The following VPS13A variants were observed in gnomAD, a reference collection of about 807,000 sequenced individuals.
VPS13A encodes vacuolar protein sorting 13 homolog A.
In VPS13A, 264 loss-of-function variants were observed where a neutral mutation model predicts 390.9. That is an observed-to-expected ratio of 0.68 (90% CI 0.61 to 0.75). VPS13A has a LOEUF of 0.75. VPS13A is among the 30% of genes least tolerant of loss of function. VPS13A has a pLI of 0.00. For missense variants in VPS13A, 3,409 were observed against 3,733.9 expected (o/e 0.91, Z 2.27); for synonymous variants, 1,231 against 1,227.1 (o/e 1.00, Z -0.07).
intron 59 of VPS13A, among the ~76,000 whole-genome samples, chr9:77,361,245 C>T (rs1157102663): frequency 6.6e-6 from 1 of 152,068 alleles, no homozygotes; most frequent in Non-Finnish European, 1.5e-5. Context: ...TTTTCATCAT[C>T]CCCAAAAGGA....
At chr9:77,405,253 C>T (rs932275193) in intron 69 of VPS13A, among the ~76,000 whole-genome samples, 10 of 152,074 alleles carry the variant, frequency 6.6e-5, no homozygotes, top group Non-Finnish European at 1.2e-4. Context: ...CATCCTGAGG[C>T]CCTCAGCATG....
At chr9:77,334,522 G>A (rs1830440962) in intron 46 of VPS13A, among the ~76,000 whole-genome samples, 1 of 152,000 alleles carries the variant, frequency 6.6e-6, no homozygotes, top group African/African-American at 2.4e-5. Flanking sequence ...ATTGTCACTT[G>A]GCAAATACCT....
chr9:77,179,283 A>C (rs1823854763), intron 1 of VPS13A, among the ~76,000 whole-genome samples: 1 of 152,210 alleles, frequency 6.6e-6, no homozygotes, highest in Non-Finnish European at 1.5e-5. Context: ...CTGTCTTGAC[A>C]AATGCTAAGA....
intron 31 of VPS13A, among the ~76,000 whole-genome samples, chr9:77,289,171 C>T (rs553443287): frequency 3.3e-5 from 5 of 152,198 alleles, no homozygotes; most frequent in East Asian, 3.9e-4. Context: ...TGTTTAAGCT[C>T]GCCTCAGCCT....
intron 13 of VPS13A, among the ~76,000 whole-genome samples, chr9:77,225,149 C>T (rs1230071663): frequency 6.6e-6 from 1 of 152,202 alleles, no homozygotes; most frequent in Non-Finnish European, 1.5e-5. Flanking sequence ...AAACATTTGT[C>T]TGACACTTGC....
At position 77,314,879 on chromosome 9, in the gene VPS13A, C is replaced by A. The variant is rs7855014; in HGVS notation, c.4412+215C>A. 0.52 allele frequency among the ~76,000 whole-genome samples: 78,890 copies of A among 151,880 alleles called. 20,721 individuals carry two copies. The highest frequency in any genetic ancestry group is 0.68 in the East Asian group (3,517 of 5,172). On this transcript the variant is annotated intron_variant, in intron 37 of 71. Coordinates refer to ENST00000360280, the MANE Select transcript of VPS13A (RefSeq NM_033305.3). ...GATAATTGATAGATTGGTTGAGTAACTAGAAATAATCAGTGCAATTAAATT... is the reference window on the plus strand; with the variant it reads ...GATAATTGATAGATTGGTTGAGTAAATAGAAATAATCAGTGCAATTAAATT...
At chr9:77,325,576 T>TTA (rs1829974724) in intron 45 of VPS13A, among the ~76,000 whole-genome samples, 1 of 152,052 alleles carries the variant, frequency 6.6e-6, no homozygotes, top group South Asian at 2.1e-4. Flanking sequence ...CTCTTTTTTT[T>TTA]TATTAATTGA....
At chr9:77,385,030 CT>C in intron 68 of VPS13A, 1 of 1,020,392 alleles carries the variant, frequency 9.8e-7, no homozygotes, top group Non-Finnish European at 1.2e-6. Context: ...AGCAAAATGC[CT>C]TTTTTTAATG....
At chr9:77,214,761 T>A (rs1482344962) in intron 10 of VPS13A, among the ~76,000 whole-genome samples, 1 of 152,200 alleles carries the variant, frequency 6.6e-6, no homozygotes, top group Non-Finnish European at 1.5e-5. Context: ...ACGCTGCATT[T>A]AAAATTTTTT....
intron 68 of VPS13A, among the ~76,000 whole-genome samples, chr9:77,391,257 G>A (rs894683370): frequency 3.3e-5 from 5 of 152,184 alleles, no homozygotes; most frequent in Non-Finnish European, 5.9e-5. Flanking sequence ...AGCTCATTCA[G>A]AAATATTTGT....
chr9:77,245,305 G>A lies in VPS13A; in HGVS notation c.1901-1954G>A, dbSNP rs151194514. Among the ~76,000 whole-genome samples, 290 of 152,288 alleles carry A rather than the reference G, an allele frequency of 1.9e-3. 5 individuals are homozygous for A. In the East Asian group the frequency reaches 0.05, roughly 26 times the overall value. On this transcript the variant is annotated intron_variant, in intron 19 of 71. Transcript: ENST00000360280. ...TAGATTTGTAGAAGCCAGAATACTT[G>A]AGGAATCCTTAGACTAGAGATGGAA...
intron 31 of VPS13A, among the ~76,000 whole-genome samples, chr9:77,291,375 G>C (rs939721491): frequency 6.6e-6 from 1 of 152,102 alleles, no homozygotes; most frequent in African/African-American, 2.4e-5. Context: ...AAAGGCTGGG[G>C]ACCACAGATG....
intron 38 of VPS13A, 21 bp downstream of exon 38, chr9:77,315,491 T>C (rs2131430621): frequency 1.2e-6 from 2 of 1,608,310 alleles, no homozygotes; most frequent in East Asian, 2.2e-5. Flanking sequence ...GGCTAAAATA[T>C]TTAATATTTG....
chr9:77,406,860 G>A (rs771705556), intron 70 of VPS13A, among the ~76,000 whole-genome samples: 5 of 152,002 alleles, frequency 3.3e-5, no homozygotes, highest in Non-Finnish European at 7.4e-5. Flanking sequence ...ATGTACAGAG[G>A]AAAACATCAT....
At chr9:77,352,008 C>A (rs967291734) in intron 53 of VPS13A, among the ~76,000 whole-genome samples, 50 of 152,258 alleles carry the variant, frequency 3.3e-4, no homozygotes, top group African/African-American at 1.2e-3. Flanking sequence ...ATGTTTAAAA[C>A]CAAAAGTAGT....
intron 36 of VPS13A, among the ~76,000 whole-genome samples, 184 bp from the exon 37 acceptor site, chr9:77,314,311 G>T (rs1205794334): frequency 6.6e-6 from 1 of 152,024 alleles, no homozygotes; most frequent in Non-Finnish European, 1.5e-5. Context: ...TATAGCTAAT[G>T]TGAAAAATAA....
rs182916442 is a variant in VPS13A, at chr9:77,408,239, T to C, written c.9474+632T>C. The stretch of plus-strand genomic sequence containing the variant: ...ACTATGAATTGACTGTCTGACCTCA[T>C]TGATCACAACTGAAGTGCTATTCAG... On this transcript the variant is annotated intron_variant, in intron 71 of 71. Transcript: ENST00000360280. 7.2e-5 allele frequency among the ~76,000 whole-genome samples: 11 copies of C among 152,352 alleles called. No individual in the cohort carries two copies. The East Asian group carries it at 1.3e-3, about 19-fold the overall frequency.
chr9:77,259,230 A>G (rs1825621102), intron 22 of VPS13A, among the ~76,000 whole-genome samples: 1 of 152,152 alleles, frequency 6.6e-6, no homozygotes, highest in Non-Finnish European at 1.5e-5. Flanking sequence ...GATGCTTGCT[A>G]TTTGGTAGAT....
intron 54 of VPS13A, among the ~76,000 whole-genome samples, chr9:77,356,322 T>C (rs947678160): frequency 2.6e-5 from 4 of 152,192 alleles, no homozygotes; most frequent in Admixed American, 6.5e-5. Flanking sequence ...CACTCTAATA[T>C]TGAAGACCCC....
Sources: gnomAD v4.1 joint callset for allele counts (sites outside exome capture counted in the v4.1 genomes callset) on GRCh38, gnomAD v4.1.1 for gene constraint, MANE v1.5 for transcripts, NCBI Gene and HGNC (gene_info 2026-07-23, HGNC 2026-07-21) for gene names.